Variants in NLGN1 observed in about 807,000 individuals in gnomAD.
The protein encoded by NLGN1 is neuroligin 1.
Under a neutral mutation model 65.5 loss-of-function variants are expected in NLGN1, and 12 were observed. That is an observed-to-expected ratio of 0.18 (90% CI 0.12 to 0.30). The LOEUF (loss-of-function observed/expected upper bound fraction) is 0.30, where lower values mean the gene tolerates loss of function less well. Among genes scored for constraint, NLGN1 ranks in the 10% least tolerant of loss-of-function variants. The pLI, the probability that NLGN1 is intolerant of heterozygous loss-of-function variation, is 1.00. For missense variants in NLGN1, 750 were observed against 1,007.1 expected, an observed-to-expected ratio of 0.74 and a Z score of 3.46; for synonymous variants, 350 against 359.5, an observed-to-expected ratio of 0.97 and a Z score of 0.30.
At chr3:173,640,933 A>G (rs1757319285) in intron 3 of NLGN1, among the ~76,000 whole-genome samples, 1 of 152,200 alleles carries the variant, frequency 6.6e-6, no homozygotes, top group South Asian at 2.1e-4. Context: ...TATTTATGAT[A>G]CTATATATTT....
chr3:173,719,609 G>A (rs1050705499), intron 3 of NLGN1, among the ~76,000 whole-genome samples: 2 of 151,956 alleles, frequency 1.3e-5, no homozygotes, highest in Non-Finnish European at 2.9e-5. Flanking sequence ...GAAATCTATT[G>A]GTAGATATTT....
rs1294428611 is a variant in NLGN1, at chr3:173,428,777, C to CT, written c.-389-6224dup. On this transcript the variant is annotated intron_variant, in intron 1 of 6. Transcript: ENST00000457714. ...TGTTTTCATTTTGCACATTAACATTCTTTTTTTTTCATATTGAATAACTCC... is the reference window on the plus strand; with the variant it reads ...TGTTTTCATTTTGCACATTAACATTCTTTTTTTTTTCATATTGAATAACTCC... Among the ~76,000 whole-genome samples, 6 of 150,978 alleles carry CT rather than the reference C, an allele frequency of 4.0e-5. No individual in the cohort carries two copies. In the East Asian group the frequency reaches 5.8e-4, roughly 15 times the overall value.
At chr3:174,043,066 G>T (rs932597104) in intron 4 of NLGN1, among the ~76,000 whole-genome samples, 1 of 152,274 alleles carries the variant, frequency 6.6e-6, no homozygotes, top group African/African-American at 2.4e-5. Flanking sequence ...CAGGAGAAAT[G>T]CCAGATGTTT....
At chr3:173,691,495 C>T (rs1450994468) in intron 3 of NLGN1, among the ~76,000 whole-genome samples, 3 of 152,074 alleles carry the variant, frequency 2.0e-5, no homozygotes, top group East Asian at 1.9e-4. Context: ...TTGAAGCCAG[C>T]GACTTTATAT....
chr3:173,856,165 C>T (rs1328024807), intron 4 of NLGN1, among the ~76,000 whole-genome samples: 1 of 152,070 alleles, frequency 6.6e-6, no homozygotes, highest in Non-Finnish European at 1.5e-5. Context: ...GGATAAATAC[C>T]AAAGCCACTT....
chr3:173,431,867 C>G (rs1203674910), intron 1 of NLGN1, among the ~76,000 whole-genome samples: 1 of 152,060 alleles, frequency 6.6e-6, no homozygotes, highest in Non-Finnish European at 1.5e-5. Flanking sequence ...CTCTAGGGCT[C>G]TATGGTCTGC....
intron 4 of NLGN1, among the ~76,000 whole-genome samples, chr3:173,924,446 T>C (rs1350173221): frequency 6.6e-6 from 1 of 151,936 alleles, no homozygotes; most frequent in Admixed American, 6.6e-5. Context: ...TATTTTGTAA[T>C]GTATGATAGT....
intron 4 of NLGN1, among the ~76,000 whole-genome samples, chr3:174,170,645 C>T (rs2152732788): frequency 6.6e-6 from 1 of 152,318 alleles, no homozygotes; most frequent in South Asian, 2.1e-4. Flanking sequence ...TACCAAAATG[C>T]TCTTGGTTCA....
At chr3:173,626,573 A>G (rs960863150) in intron 3 of NLGN1, among the ~76,000 whole-genome samples, 2 of 152,078 alleles carry the variant, frequency 1.3e-5, no homozygotes, top group African/African-American at 2.4e-5. Context: ...TATTTTATAT[A>G]TGGCACTTTT....
At chr3:174,152,915 A>T (rs923474920) in intron 4 of NLGN1, among the ~76,000 whole-genome samples, 1 of 152,178 alleles carries the variant, frequency 6.6e-6, no homozygotes. Flanking sequence ...AAATCATTTT[A>T]TTCATCTACT....
At position 173,792,894 on chromosome 3, in the gene NLGN1, C is replaced by T. The variant is rs185719953; in HGVS notation, c.494-14786C>T. Among the ~76,000 whole-genome samples the T allele has an allele frequency of 2.4e-4, 36 of 152,196 alleles. 1 individual carries two copies. The highest frequency in any genetic ancestry group is 1.5e-3 in the East Asian group (8 of 5,172). ...ATATCTTATTTTTGCTCATGAATTT[C>T]GAAAACATCAAAACTAGTGTTAAAC... On this transcript the variant is annotated intron_variant, in intron 3 of 6. Coordinates refer to ENST00000457714, the Ensembl canonical transcript of NLGN1.
intron 4 of NLGN1, among the ~76,000 whole-genome samples, chr3:174,012,597 T>C (rs1725779117): frequency 6.6e-6 from 1 of 152,200 alleles, no homozygotes. Context: ...CTACAAGTTA[T>C]TCCTGCAGTC....
At chr3:174,281,566 A>C (rs562874685) in exon 7 of NLGN1, 1 of 367,002 alleles carries the variant, frequency 2.7e-6, no homozygotes, top group East Asian at 4.2e-5. Flanking sequence ...TTGAAGATTT[A>C]AGTTACATAA....
chr3:173,403,500 T>C (rs1369412446), intron 1 of NLGN1, among the ~76,000 whole-genome samples: 1 of 152,174 alleles, frequency 6.6e-6, no homozygotes, highest in Non-Finnish European at 1.5e-5. Flanking sequence ...AAATTACTTC[T>C]TTGTTTCTGA....
At chr3:173,745,458 C>T (rs1382859310) in intron 3 of NLGN1, among the ~76,000 whole-genome samples, 1 of 150,832 alleles carries the variant, frequency 6.6e-6, no homozygotes, top group African/African-American at 2.5e-5. Flanking sequence ...TACCTAAGTA[C>T]ATCTAAAGCT....
chr3:174,153,572 G>A (rs1277540235), intron 4 of NLGN1, among the ~76,000 whole-genome samples: 1 of 152,078 alleles, frequency 6.6e-6, no homozygotes, highest in African/African-American at 2.4e-5. Context: ...TTTTAAAACA[G>A]GAAACATCTT....
intron 2 of NLGN1, among the ~76,000 whole-genome samples, chr3:173,438,170 CTT>C (rs1424115669): frequency 6.7e-6 from 1 of 149,094 alleles, no homozygotes; most frequent in African/African-American, 2.6e-5. Flanking sequence ...TTTGACATAA[CTT>C]TCACTTTAAT....
At chr3:174,158,739 G>A (rs1484140260) in intron 4 of NLGN1, among the ~76,000 whole-genome samples, 1 of 151,624 alleles carries the variant, frequency 6.6e-6, no homozygotes, top group Non-Finnish European at 1.5e-5. Flanking sequence ...GAGGTGATAA[G>A]GGGAGGCAAG....
intron 4 of NLGN1, among the ~76,000 whole-genome samples, chr3:174,185,042 G>A (rs1731140977): frequency 1.3e-5 from 1 of 74,450 alleles, no homozygotes; most frequent in African/African-American, 4.4e-5. Flanking sequence ...ACCCTATAGA[G>A]CTGCAACTGC....
Sources: allele counts gnomAD v4.1 joint callset (sites outside exome capture counted in the v4.1 genomes callset), GRCh38; gene constraint gnomAD v4.1.1; transcripts MANE v1.5; gene names NCBI Gene and HGNC (gene_info 2026-07-23, HGNC 2026-07-21).